The following CDC42SE2 variants were observed in gnomAD, a reference collection of about 807,000 sequenced individuals.
CDC42SE2 encodes the protein CDC42 small effector 2.
In CDC42SE2, 3 loss-of-function variants were observed where a neutral mutation model predicts 11.5. The observed-to-expected ratio is 0.26, with a 90% CI of 0.12 to 0.67. CDC42SE2 has a LOEUF of 0.67. Ranked by LOEUF, CDC42SE2 falls within the 30% of genes least tolerant of loss-of-function variation. CDC42SE2 has a pLI of 0.80. For synonymous variants in CDC42SE2, 33 were observed against 34.8 expected, an observed-to-expected ratio of 0.95 and a Z score of 0.18; for missense variants, 82 against 106.8, an observed-to-expected ratio of 0.77 and a Z score of 1.02.
chr5:131,237,113 T>A, the CDC42SE2 span, among the ~76,000 whole-genome samples: 1 of 152,248 alleles, frequency 6.6e-6, no homozygotes, highest in South Asian at 2.1e-4. Flanking sequence ...TTAGTCATTT[T>A]ATTGTTGTTT....
chr5:131,251,767 ATT>A (rs1187468042), intron 1 of CDC42SE2, among the ~76,000 whole-genome samples: 1 of 152,138 alleles, frequency 6.6e-6, no homozygotes, highest in African/African-American at 2.4e-5. Flanking sequence ...TAATTGCGGA[ATT>A]TTGGGATTCC....
chr5:131,307,217 T>TC (rs1428944591), intron 1 of CDC42SE2, among the ~76,000 whole-genome samples: 1 of 64,638 alleles, frequency 1.5e-5, no homozygotes, highest in Non-Finnish European at 2.8e-5. Context: ...CCCTCCCCCC[T>TC]CCCCCCACCC....
intron 4 of CDC42SE2, 49 bp from the exon 5 acceptor site, chr5:131,390,944 C>A (rs776368077): frequency 7.9e-7 from 1 of 1,261,960 alleles, no homozygotes; most frequent in African/African-American, 1.5e-5. Context: ...TGCACCGGAC[C>A]TACTTCCTGA....
rs1326518989 is a variant in CDC42SE2, at chr5:131,267,879, TG to T, written c.-455+3714del. 2.6e-5 allele frequency among the ~76,000 whole-genome samples: 4 copies of T among 152,180 alleles called. No homozygotes were observed. The East Asian group carries it at 7.7e-4, about 29-fold the overall frequency. Reference sequence around the variant, plus strand: ...ATAAGATTTTTGTCAAAATTAAAAATGCGTGTTGGTTTTGATCTGCTGTATT... The same window carrying T: ...ATAAGATTTTTGTCAAAATTAAAAATCGTGTTGGTTTTGATCTGCTGTATT... On this transcript the variant is annotated intron_variant, in intron 1 of 4. Transcript: ENST00000505065.
chr5:131,309,575 C>G (rs138923268), intron 1 of CDC42SE2, among the ~76,000 whole-genome samples: 77,588 of 143,832 alleles, frequency 0.54, 23,602 homozygotes, highest in Non-Finnish European at 0.73. Flanking sequence ...CCATCTGGTC[C>G]TGGACTCTTT....
At chr5:131,254,282 T>C (rs1435743560) in intron 1 of CDC42SE2, among the ~76,000 whole-genome samples, 14 of 152,088 alleles carry the variant, frequency 9.2e-5, no homozygotes, top group Admixed American at 9.2e-4. Context: ...TGGCTCACTC[T>C]TGTAATCCCA....
intron 1 of CDC42SE2, among the ~76,000 whole-genome samples, chr5:131,314,190 A>T (rs916955613): frequency 1.1e-4 from 17 of 151,072 alleles, no homozygotes; most frequent in African/African-American, 4.1e-4. Context: ...TTCATAATTC[A>T]TACTTTTACA....
chr5:131,217,331 T>A, the CDC42SE2 span, among the ~76,000 whole-genome samples: 47 of 152,302 alleles, frequency 3.1e-4, 1 homozygote, highest in African/African-American at 1.1e-3. Context: ...TGATCCCTGG[T>A]CTAGAAACAA....
the CDC42SE2 span, among the ~76,000 whole-genome samples, chr5:131,216,509 A>AAAAAC: frequency 4.6e-4 from 61 of 133,240 alleles, 1 homozygote; most frequent in African/African-American, 1.6e-3. Flanking sequence ...CTCAAAAAAA[A>AAAAAC]AAAAAAAAAA....
At chr5:131,228,936 A>G in the CDC42SE2 span, among the ~76,000 whole-genome samples, 3 of 152,214 alleles carry the variant, frequency 2.0e-5, no homozygotes, top group South Asian at 6.2e-4. Context: ...AGCTTCTAGA[A>G]CTCTGAGAAA....
chr5:131,318,860 C>A (rs1758103353), intron 2 of CDC42SE2, among the ~76,000 whole-genome samples: 1 of 152,154 alleles, frequency 6.6e-6, no homozygotes, highest in African/African-American at 2.4e-5. Flanking sequence ...GGTAAGGATG[C>A]CTCTGACACA....
the CDC42SE2 span, among the ~76,000 whole-genome samples, chr5:131,228,657 T>A: frequency 3.9e-5 from 6 of 152,332 alleles, no homozygotes; most frequent in South Asian, 1.2e-3. Flanking sequence ...ATGGACAGAA[T>A]GTTTGTGTCC....
chr5:131,343,071 G>A (rs1274117264), intron 2 of CDC42SE2, among the ~76,000 whole-genome samples: 1 of 152,066 alleles, frequency 6.6e-6, no homozygotes, highest in Non-Finnish European at 1.5e-5. Context: ...TTTACAGGAT[G>A]GTTTTATTCA....
At chr5:131,315,589 C>T (rs1462251611) in intron 1 of CDC42SE2, among the ~76,000 whole-genome samples, 2 of 152,186 alleles carry the variant, frequency 1.3e-5, no homozygotes, top group Middle Eastern at 3.4e-3. Flanking sequence ...AATGTGGGGC[C>T]AGTATTGCCA....
the CDC42SE2 span, among the ~76,000 whole-genome samples, chr5:131,222,734 T>G: frequency 1.3e-5 from 2 of 152,130 alleles, no homozygotes; most frequent in Admixed American, 6.6e-5. Flanking sequence ...TCTTTAACAG[T>G]GAGATATGCA....
chr5:131,267,879 T>C, intron 1 of CDC42SE2, among the ~76,000 whole-genome samples: 1 of 152,180 alleles, frequency 6.6e-6, no homozygotes, highest in African/African-American at 2.4e-5. Flanking sequence ...AAATTAAAAA[T>C]GCGTGTTGGT....
At chr5:131,267,923 T>C (rs1484881306) in intron 1 of CDC42SE2, among the ~76,000 whole-genome samples, 1 of 152,124 alleles carries the variant, frequency 6.6e-6, no homozygotes, top group Non-Finnish European at 1.5e-5. Flanking sequence ...TTCTCAATTT[T>C]CATGAAAAAT....
At chr5:131,373,427 C>A (rs1030741628) in intron 3 of CDC42SE2, among the ~76,000 whole-genome samples, 3 of 152,166 alleles carry the variant, frequency 2.0e-5, no homozygotes, top group Admixed American at 6.5e-5. Context: ...TCTTAGAATG[C>A]CTGCAGCTAG....
chr5:131,359,088 T>C (rs1749635683), intron 2 of CDC42SE2, 121 bp from the exon 3 acceptor site: 1 of 160,910 alleles, frequency 6.2e-6, no homozygotes, highest in Non-Finnish European at 1.4e-5. Flanking sequence ...AATATCAGTT[T>C]GTTAAAATCT....
Sources: gnomAD v4.1 joint callset for allele counts (sites outside exome capture counted in the v4.1 genomes callset) on GRCh38, gnomAD v4.1.1 for gene constraint, MANE v1.5 for transcripts, NCBI Gene and HGNC (gene_info 2026-07-23, HGNC 2026-07-21) for gene names.